Variants in PLXNA4 observed in about 807,000 individuals in gnomAD.
PLXNA4 encodes plexin A4.
Under a neutral mutation model 191.8 loss-of-function variants are expected in PLXNA4, and 44 were observed. The ratio of observed to expected loss-of-function variants is 0.23; its 90% CI spans 0.18 to 0.29. The LOEUF is 0.29. Ranked by LOEUF, PLXNA4 falls within the 10% of genes least tolerant of loss-of-function variation. The pLI, the probability that PLXNA4 is intolerant of heterozygous loss-of-function variation, is 1.00. For missense variants in PLXNA4, 1,800 were observed against 2,488.8 expected, an observed-to-expected ratio of 0.72 and a Z score of 5.89; for synonymous variants, 1,082 against 1,009.5, an observed-to-expected ratio of 1.07 and a Z score of -1.36.
At chr7:132,251,093 A>G (rs1006138766) in intron 4 of PLXNA4, among the ~76,000 whole-genome samples, 1 of 97,914 alleles carries the variant, frequency 1.0e-5, no homozygotes, top group Admixed American at 1.2e-4. Flanking sequence ...TGGGTATTTT[A>G]TTAGAAACTT....
rs141180902 is a variant in PLXNA4 at position 132,505,279 on chromosome 7, T to C, written c.1188+2227A>G. 5.1e-3 allele frequency among the ~76,000 whole-genome samples: 772 copies of C among 152,366 alleles called. 3 individuals are homozygous for C. The highest frequency in any genetic ancestry group is 0.018 in the African/African-American group (734 of 41,588). On this transcript the variant is annotated intron_variant, in intron 2 of 31. Coordinates refer to ENST00000321063, the MANE Select transcript of PLXNA4 (RefSeq NM_020911.2). ...CACACGGTGTTAGGACCTGCAGCTC[T>C]GCAGACTTCCATGATGAACTTGGCT...
chr7:132,270,079 C>T (rs947906960), intron 4 of PLXNA4, among the ~76,000 whole-genome samples: 1 of 152,304 alleles, frequency 6.6e-6, no homozygotes, highest in African/African-American at 2.4e-5. Flanking sequence ...TGGAGAGAAA[C>T]CACTATACGT....
chr7:132,488,249 A>T (rs1456986114), intron 3 of PLXNA4, among the ~76,000 whole-genome samples: 2 of 152,230 alleles, frequency 1.3e-5, no homozygotes, highest in Non-Finnish European at 2.9e-5. Flanking sequence ...ATGCCAACAG[A>T]AATGATTGCT....
intron 10 of PLXNA4, 109 bp downstream of exon 10, chr7:132,210,834 G>A (rs1372061188): frequency 1.3e-5 from 16 of 1,225,624 alleles, no homozygotes; most frequent in Admixed American, 3.9e-5. Context: ...AGTTTTGTGC[G>A]TGTTGAGGAA....
intron 1 of PLXNA4, among the ~76,000 whole-genome samples, chr7:132,511,097 A>G (rs1044448115): frequency 6.6e-6 from 1 of 152,202 alleles, no homozygotes; most frequent in Non-Finnish European, 1.5e-5. Context: ...TTGCTCGTCA[A>G]CACATTCACA....
chr7:132,150,297 T>C (rs2116585070), intron 25 of PLXNA4, among the ~76,000 whole-genome samples: 1 of 152,346 alleles, frequency 6.6e-6, no homozygotes, highest in Non-Finnish European at 1.5e-5. Flanking sequence ...TTTTGTTTTT[T>C]ATTTTATGGA....
intron 21 of PLXNA4, among the ~76,000 whole-genome samples, chr7:132,173,157 C>T (rs1002767650): frequency 6.6e-6 from 1 of 152,154 alleles, no homozygotes; most frequent in African/African-American, 2.4e-5. Flanking sequence ...TCTTGTGTCT[C>T]ACTTTAAACA....
intron 1 of PLXNA4, among the ~76,000 whole-genome samples, chr7:132,646,363 C>A (rs1263576969): frequency 6.6e-6 from 1 of 152,160 alleles, no homozygotes; most frequent in East Asian, 1.9e-4. Context: ...TGTATTCCCT[C>A]CCTGTTATGG....
chr7:132,127,395 G>T lies in PLXNA4; in HGVS notation c.*3084C>A, dbSNP rs942164464. On this transcript the variant is annotated 3_prime_UTR_variant, in exon 32 of 32. Transcript: ENST00000321063. Reference sequence around the variant, plus strand: ...GCCCAATTCCTTTCTCTGGGAGCCCGCAAGCCACATGGACAGCCCCTGGAT... The same window carrying T: ...GCCCAATTCCTTTCTCTGGGAGCCCTCAAGCCACATGGACAGCCCCTGGAT... The T allele has an allele frequency of 6.6e-6, 1 of 152,054 alleles. No individual in the cohort carries two copies. The highest frequency in any genetic ancestry group is 1.5e-5 in the Non-Finnish European group (1 of 68,036). 9.4% of individuals were successfully genotyped at this position (152,054 alleles called of 1,614,324 possible).
chr7:132,563,492 CCTT>C (rs1379461593), intron 1 of PLXNA4, among the ~76,000 whole-genome samples: 128 of 96,264 alleles, frequency 1.3e-3, no homozygotes, highest in South Asian at 2.1e-3. Flanking sequence ...TCCTCCTCCT[CCTT>C]CTCCTCCTCC....
intron 3 of PLXNA4, among the ~76,000 whole-genome samples, chr7:132,457,742 T>C (rs1431468545): frequency 6.6e-6 from 1 of 152,094 alleles, no homozygotes; most frequent in African/African-American, 2.4e-5. Flanking sequence ...TTACAGAGGA[T>C]AGAGGGAGAC....
intron 13 of PLXNA4, among the ~76,000 whole-genome samples, chr7:132,196,774 T>C (rs2116836354): frequency 6.6e-6 from 1 of 152,302 alleles, no homozygotes; most frequent in Non-Finnish European, 1.5e-5. Context: ...GCACCAGGCA[T>C]TAACTTTCAC....
At chr7:132,327,276 G>C (rs1351462278) in intron 3 of PLXNA4, among the ~76,000 whole-genome samples, 1 of 152,254 alleles carries the variant, frequency 6.6e-6, no homozygotes, top group South Asian at 2.1e-4. Context: ...CTCATGCCTG[G>C]AGCATCCCAT....
intron 3 of PLXNA4, chr7:132,484,902 G>A (rs1172832074): frequency 1.9e-6 from 3 of 1,614,100 alleles, no homozygotes; most frequent in Non-Finnish European, 2.5e-6. Flanking sequence ...CTTGAGCACT[G>A]AAGATACACA....
chr7:132,291,174 C>A (rs1800877370), intron 4 of PLXNA4, among the ~76,000 whole-genome samples: 1 of 152,172 alleles, frequency 6.6e-6, no homozygotes, highest in South Asian at 2.1e-4. Context: ...CCGTCTCTGG[C>A]CTCTGTGCTT....
chr7:132,532,011 G>T (rs1383075506), intron 1 of PLXNA4, among the ~76,000 whole-genome samples: 2 of 152,182 alleles, frequency 1.3e-5, no homozygotes, highest in Non-Finnish European at 2.9e-5. Flanking sequence ...TTAGTTATTG[G>T]CTGGGCCTAG....
intron 1 of PLXNA4, among the ~76,000 whole-genome samples, chr7:132,569,304 C>G (rs1801871097): frequency 6.6e-6 from 1 of 152,238 alleles, no homozygotes; most frequent in Non-Finnish European, 1.5e-5. Context: ...ACCTCTCCTC[C>G]TTTGCTTCAT....
chr7:132,148,731 G>C (rs1795507600), intron 25 of PLXNA4, 85 bp from the exon 26 acceptor site: 3 of 1,581,728 alleles, frequency 1.9e-6, no homozygotes, highest in Non-Finnish European at 2.6e-6. Context: ...TACCTATGCA[G>C]TGCTAGCTCA....
intron 4 of PLXNA4, among the ~76,000 whole-genome samples, chr7:132,268,380 C>G (rs1430008078): frequency 6.6e-6 from 1 of 152,236 alleles, no homozygotes; most frequent in Non-Finnish European, 1.5e-5. Context: ...TCCTCCTTTG[C>G]CTCACTTTCC....
Sources: allele counts gnomAD v4.1 joint callset (sites outside exome capture counted in the v4.1 genomes callset), GRCh38; gene constraint gnomAD v4.1.1; transcripts MANE v1.5; gene names NCBI Gene and HGNC (gene_info 2026-07-23, HGNC 2026-07-21).